The following MED25 variants were observed in gnomAD, a reference collection of about 807,000 sequenced individuals.
MED25 encodes the protein mediator complex subunit 25.
In MED25, 62 loss-of-function variants were observed where a neutral mutation model predicts 89.4. The ratio of observed to expected loss-of-function variants is 0.69; its 90% CI spans 0.57 to 0.86. The LOEUF is 0.86. Ranked by LOEUF, MED25 falls within the 40% of genes least tolerant of loss-of-function variation. MED25 has a pLI of 0.00. For missense variants in MED25, 905 were observed against 1,005.2 expected (o/e 0.90, Z 1.35); for synonymous variants, 449 against 427.9 (o/e 1.05, Z -0.61).
In MED25 at chr19:49,834,356, A is replaced by T. The variant is rs1405935551; in HGVS notation, c.1483-630A>T. On this transcript the variant is annotated intron_variant, in intron 13 of 17. Coordinates refer to ENST00000312865, the MANE Select transcript of MED25 (RefSeq NM_030973.4). The surrounding 1 kb of genome is among the most constrained non-coding windows in gnomAD (Gnocchi z 4.1). ...CTCAGAGAAGTCAATTCACTTGGCC[A>T]AGGTCAGCCTCGCCTCCCTCAGGAG... The T allele has an allele frequency of 1.3e-5, 2 of 158,650 alleles. No homozygotes were observed. Among genetic ancestry groups the T allele is most frequent in the African/African-American group, 4.8e-5 (2 of 41,490 alleles). 9.8% of individuals were successfully genotyped at this position (158,650 alleles called of 1,614,324 possible).
Position 49,836,375 on chromosome 19 carries a change from C to T in MED25, c.2115C>T (p.Pro705=), listed in dbSNP as rs542955462. The part of the protein sequence containing the change: ...LLHPPPAQSW[P]AQLPPRAPLP... The stretch of plus-strand genomic sequence containing the variant: ...ATCCACCACCTGCCCAGTCCTGGCC[C>T]GCACAACTTCCCCCTCGGGCTCCAC... Residue 705 remains proline, a synonymous_variant, in exon 17 of 18, where the codon CCC becomes CCT. Transcript: ENST00000312865. This position sits in a 1 kb window ranked among gnomAD's most constrained non-coding sequence, Gnocchi z 5.1. 1.1e-5 allele frequency: 17 copies of T among 1,605,154 alleles called. No individual in the cohort carries two copies. The highest frequency in any genetic ancestry group is 1.7e-4 in the Middle Eastern group (1 of 6,056).
intron 3 of MED25, among the ~76,000 whole-genome samples, chr19:49,827,424 AG>A (rs2074022926): frequency 6.6e-6 from 1 of 152,118 alleles, no homozygotes; most frequent in Admixed American, 6.5e-5. Context: ...TCCAGGTGGT[AG>A]GGCCAGGCTG....
chr19:49,829,370 C>T lies in MED25; in HGVS notation c.525+280C>T, dbSNP rs1231105984. Among the ~76,000 whole-genome samples, 4 of 152,178 alleles carry T rather than the reference C, an allele frequency of 2.6e-5. No individual in the cohort carries two copies. Among genetic ancestry groups the T allele is most frequent in the African/African-American group, 7.2e-5 (3 of 41,434 alleles). ...CTTGGCCCACTGCAGCCTCTGCCTC[C>T]AGGGTTCAAGCAATTCTCATGTTTC... On this transcript the variant is annotated intron_variant, in intron 5 of 17. Transcript: ENST00000312865. The surrounding 1 kb of genome is among the most constrained non-coding windows in gnomAD (Gnocchi z 4.6).
At chr19:49,819,615 G>A in intron 3 of MED25, 2 of 380,262 alleles carry the variant, frequency 5.3e-6, no homozygotes, top group South Asian at 2.1e-5. Flanking sequence ...CAGCAATGTT[G>A]CCATCAGTTT....
At chr19:49,825,012 G>GTGGAATATATGATAAATTCCAAATAAA (rs2074006837) in intron 3 of MED25, among the ~76,000 whole-genome samples, 1 of 152,134 alleles carries the variant, frequency 6.6e-6, no homozygotes, top group Admixed American at 6.5e-5. Context: ...TTTTGTGTCT[G>GTGGAATATATGATAAATTCCAAATAAA]CCATATCAAG....
intron 2 of MED25, 69 bp downstream of exon 2, chr19:49,818,685 GGAGA>G: frequency 1.4e-6 from 2 of 1,444,032 alleles, no homozygotes; most frequent in African/African-American, 1.4e-5. Context: ...TCTGAGGGAG[GGAGA>G]AAGGGCTGGG....
chr19:49,819,005 G>A (rs2073961849), intron 2 of MED25, 167 bp from the exon 3 acceptor site: 4 of 846,748 alleles, frequency 4.7e-6, no homozygotes, highest in Non-Finnish European at 3.8e-6. Flanking sequence ...CTGGATTCCT[G>A]GGTCTGAGGG....
Position 49,829,976 on chromosome 19 carries a change from TG to T in MED25, c.688+33del. ...GAGGCCTGGGCACCGTGCGCGGGGA[TG>T]GGGGCTCGACGTGTTTCCCCAGCTC... On this transcript the variant is annotated intron_variant, in intron 6 of 17. Transcript: ENST00000312865. This position sits in a 1 kb window ranked among gnomAD's most constrained non-coding sequence, Gnocchi z 4.6. 1 of 1,602,500 alleles carries T rather than the reference TG, an allele frequency of 6.2e-7. No individual in the cohort carries two copies.
chr19:49,830,202 TC>T lies in MED25; in HGVS notation c.809del (p.Pro270ArgfsTer9). 2 of 1,601,098 alleles carry T rather than the reference TC, an allele frequency of 1.2e-6. No homozygotes were observed. Among genetic ancestry groups the T allele is most frequent in the Non-Finnish European group, 1.7e-6 (2 of 1,172,474 alleles). ...GCCCCCCAGCAGCCTCTGCCCCCCGTCCCCCCGCAGTACCAGGTATGGATAT... is the reference window on the plus strand; with the variant it reads ...GCCCCCCAGCAGCCTCTGCCCCCCGTCCCCCGCAGTACCAGGTATGGATAT... The part of the protein sequence containing the change: ...SAAPQQPLPP[V>X]PPQYQVPGNL... On this transcript the variant is annotated frameshift_variant, in exon 7 of 18. Coordinates refer to ENST00000312865, the MANE Select transcript of MED25 (RefSeq NM_030973.4). LOFTEE classifies it high-confidence loss of function. The surrounding 1 kb of genome is among the most constrained non-coding windows in gnomAD (Gnocchi z 4.6).
Position 49,830,666 on chromosome 19 carries a change from C to A in MED25, c.908-28C>A, listed in dbSNP as rs754975123. On this transcript the variant is annotated intron_variant, in intron 8 of 17. Coordinates refer to ENST00000312865, the MANE Select transcript of MED25 (RefSeq NM_030973.4). This position sits in a 1 kb window ranked among gnomAD's most constrained non-coding sequence, Gnocchi z 4.6. ...AGGCCTCTCTCCACACACTTGTTCCCCACTTCTTCCCTTGGTCTCTCCCAC... is the reference window on the plus strand; with the variant it reads ...AGGCCTCTCTCCACACACTTGTTCCACACTTCTTCCCTTGGTCTCTCCCAC... 6 of 1,613,252 alleles carry A rather than the reference C, an allele frequency of 3.7e-6. No homozygotes were observed. The East Asian group carries it at 1.3e-4, about 36-fold the overall frequency.
Position 49,835,676 on chromosome 19 carries a change from G to T in MED25, c.1747-51G>T. 6.3e-7 allele frequency: 1 copy of T among 1,584,382 alleles called. No homozygotes were observed. The highest frequency in any genetic ancestry group is 2.3e-5 in the East Asian group (1 of 42,700). ...AAGGCTGCGCTCTGTGCCTGCAGAAGGGGCGTGAGGCCCTGCCCATCTCCC... is the reference window on the plus strand; with the variant it reads ...AAGGCTGCGCTCTGTGCCTGCAGAATGGGCGTGAGGCCCTGCCCATCTCCC... On this transcript the variant is annotated intron_variant, in intron 15 of 17. Coordinates refer to ENST00000312865, the MANE Select transcript of MED25 (RefSeq NM_030973.4). This position sits in a 1 kb window ranked among gnomAD's most constrained non-coding sequence, Gnocchi z 6.2.
At chr19:49,818,951 C>G (rs1376684814) in intron 2 of MED25, 1 of 512,788 alleles carries the variant, frequency 2.0e-6, no homozygotes, top group African/African-American at 2.5e-5. Flanking sequence ...GGAGGAGGTG[C>G]TGGGGCCTGG....
Position 49,835,492 on chromosome 19 carries a change from C to T in MED25, c.1675-42C>T, listed in dbSNP as rs539011568. On this transcript the variant is annotated intron_variant, in intron 14 of 17. Coordinates refer to ENST00000312865, the MANE Select transcript of MED25 (RefSeq NM_030973.4). This position sits in a 1 kb window ranked among gnomAD's most constrained non-coding sequence, Gnocchi z 6.2. ...CCCTCCCGCCTCAGATTCAGGATGC[C>T]ACCACCCTCAGTTACTGACCTGCCC... 3 of 1,502,768 alleles carry T rather than the reference C, an allele frequency of 2.0e-6. No homozygotes were observed. Among genetic ancestry groups the T allele is most frequent in the Non-Finnish European group, 2.7e-6 (3 of 1,121,472 alleles). The allele number at this position is 1,502,768 out of a possible 1,614,324, so 93.1% of individuals were successfully genotyped here. A position where few individuals can be genotyped will look rare whatever the true frequency, so the allele number is the denominator to read the frequency against.
At position 49,835,411 on chromosome 19, in the gene MED25, A is replaced by G; in HGVS notation, c.1675-123A>G. Reference sequence around the variant, plus strand: ...GAGTGTACGGCATCCCTCCCAGACCACTCACCCCCAAAGAGAATGTCCCCA... The same window carrying G: ...GAGTGTACGGCATCCCTCCCAGACCGCTCACCCCCAAAGAGAATGTCCCCA... On this transcript the variant is annotated intron_variant, in intron 14 of 17. Transcript: ENST00000312865. The surrounding 1 kb of genome is among the most constrained non-coding windows in gnomAD (Gnocchi z 6.2). The G allele has an allele frequency of 3.7e-6, 4 of 1,075,054 alleles. No homozygotes were observed. In the South Asian group the frequency reaches 6.2e-5, roughly 17 times the overall value. The allele number at this position is 1,075,054 out of a possible 1,614,324, so 66.6% of individuals were successfully genotyped here.
At chr19:49,825,621 C>T (rs934356135) in intron 3 of MED25, among the ~76,000 whole-genome samples, 5 of 151,282 alleles carry the variant, frequency 3.3e-5, no homozygotes, top group Admixed American at 6.6e-5. Context: ...CACCTGAGGT[C>T]GGGAGTTCGA....
chr19:49,839,746 C>T (rs541489061), downstream of MED25: 1 of 152,206 alleles, frequency 6.6e-6, no homozygotes, highest in Non-Finnish European at 1.5e-5. Flanking sequence ...TTTACTCTTT[C>T]CTGTGCTGCA....
Position 49,831,347 on chromosome 19 carries a change from C to G in MED25, c.1116C>G (p.Ala372=), listed in dbSNP as rs1439410614. Residue 372 remains alanine, a synonymous_variant, in exon 10 of 18, where the codon GCC becomes GCG. Transcript: ENST00000312865. This position sits in a 1 kb window ranked among gnomAD's most constrained non-coding sequence, Gnocchi z 5.0. The part of the protein sequence containing the change: ...PGAPSMAGTV[A]PGGVSGPSPA... Reference sequence around the variant, plus strand: ...CCCTCTGGCAGGCAGGCACTGTGGCCCCAGGAGGGGTGAGCGGCCCTTCCC... The same window carrying G: ...CCCTCTGGCAGGCAGGCACTGTGGCGCCAGGAGGGGTGAGCGGCCCTTCCC... 3.1e-6 allele frequency: 5 copies of G among 1,611,118 alleles called. No individual in the cohort carries two copies. The highest frequency in any genetic ancestry group is 1.3e-5 in the African/African-American group (1 of 74,886).
Position 49,832,010 on chromosome 19 carries a change from T to C in MED25, c.1305T>C (p.His435=), listed in dbSNP as rs1182624619. 1.2e-6 allele frequency: 2 copies of C among 1,610,524 alleles called. No individual in the cohort carries two copies. Among genetic ancestry groups the C allele is most frequent in the Non-Finnish European group, 8.5e-7 (1 of 1,177,798 alleles). Residue 435 remains histidine, a synonymous_variant, in exon 11 of 18, where the codon CAT becomes CAC. Transcript: ENST00000312865. The stretch of plus-strand genomic sequence containing the variant: ...TGCCCTGCCAGGTCTACGTGAATCA[T>C]GGCGAGAACCTGTAGGTGACAGTCA... ...RSLPCQVYVN[H]GENLKTEQWP...
rs1600329878 is a variant in MED25 at position 49,834,575 on chromosome 19, A to C, written c.1483-411A>C. ...CTGAGGGCTGGAGGATCTCTTGGATACCCGGGGTCCGACCCACCGTTGATC... is the reference window on the plus strand; with the variant it reads ...CTGAGGGCTGGAGGATCTCTTGGATCCCCGGGGTCCGACCCACCGTTGATC... On this transcript the variant is annotated intron_variant, in intron 13 of 17. Coordinates refer to ENST00000312865, the MANE Select transcript of MED25 (RefSeq NM_030973.4). The surrounding 1 kb of genome is among the most constrained non-coding windows in gnomAD (Gnocchi z 4.1). The C allele has an allele frequency of 3.4e-6, 1 of 295,216 alleles. No homozygotes were observed. Among genetic ancestry groups the C allele is most frequent in the Non-Finnish European group, 6.7e-6 (1 of 149,810 alleles). 18.3% of individuals were successfully genotyped at this position (295,216 alleles called of 1,614,324 possible). A position where few individuals can be genotyped will look rare whatever the true frequency, so the allele number is the denominator to read the frequency against.
Sources: allele counts gnomAD v4.1 joint callset (sites outside exome capture counted in the v4.1 genomes callset), GRCh38; gene constraint gnomAD v4.1.1; non-coding constraint Gnocchi (gnomAD v3.1); transcripts MANE v1.5; gene names NCBI Gene and HGNC (gene_info 2026-07-23, HGNC 2026-07-21).